ERICH3: variants seen among roughly 807,000 people sequenced by gnomAD.
The protein encoded by ERICH3 is glutamate rich 3.
In ERICH3, 126 loss-of-function variants were observed where a neutral mutation model predicts 131.1. That is an observed-to-expected ratio of 0.96 (90% CI 0.83 to 1.11). ERICH3 has a LOEUF of 1.11. ERICH3 is among the 50% of genes most tolerant of loss of function. The pLI, the probability that ERICH3 is intolerant of heterozygous loss-of-function variation, is 0.00. For missense variants in ERICH3, 2,050 were observed against 1,810.7 expected (o/e 1.13, Z -2.40); for synonymous variants, 695 against 644.6 (o/e 1.08, Z -1.18).
At position 74,641,469 on chromosome 1, in the gene ERICH3, G is replaced by A. The variant is rs1166094376; in HGVS notation, c.316-10C>T. On this transcript the variant is annotated splice_polypyrimidine_tract_variant and intron_variant, in intron 4 of 14. Coordinates refer to ENST00000326665, the MANE Select transcript of ERICH3 (RefSeq NM_001002912.5). Reference sequence around the variant, plus strand: ...TTCTTGTGTGCTCTCCCTAGAATAAGAAAGCAATTTAGCAAATAGATGCAT... The same window carrying A: ...TTCTTGTGTGCTCTCCCTAGAATAAAAAAGCAATTTAGCAAATAGATGCAT... 19 of 1,608,606 alleles carry A rather than the reference G, an allele frequency of 1.2e-5. No individual in the cohort carries two copies. Among genetic ancestry groups the A allele is most frequent in the Non-Finnish European group, 1.6e-5 (19 of 1,178,008 alleles).
Position 74,606,645 on chromosome 1 carries a change from C to T in ERICH3, c.1445G>A (p.Gly482Glu), listed in dbSNP as rs776900105. 1 of 1,612,054 alleles carries T rather than the reference C, an allele frequency of 6.2e-7. No individual in the cohort carries two copies. The highest frequency in any genetic ancestry group is 1.1e-5 in the South Asian group (1 of 90,776). ...CTGGTCGTCTTCCAAGACTTCTTGT[C>T]CTGGTTTTCCTTTACTTGTCATTTC... ...VEEMTSKGKP[G>E]QEVLEDDQEN... The change falls in exon 10 of 15, where the codon GGA (glycine) becomes GAA (glutamate). Residue 482 changes from glycine to glutamate, a missense_variant. Transcript: ENST00000326665.
At chr1:74,652,721 G>A (rs780159782) in intron 1 of ERICH3, among the ~76,000 whole-genome samples, 25 of 151,936 alleles carry the variant, frequency 1.6e-4, no homozygotes, top group Non-Finnish European at 3.1e-4. Context: ...CCTTTTCATC[G>A]ATTCCGTTGG....
In ERICH3 at chr1:74,643,048, CT is replaced by C; in HGVS notation, c.293del (p.Lys98ArgfsTer49). On this transcript the variant is annotated frameshift_variant, in exon 4 of 15. Coordinates refer to ENST00000326665, the MANE Select transcript of ERICH3 (RefSeq NM_001002912.5). LOFTEE classifies it high-confidence loss of function. The part of the protein sequence containing the change: ...IKKKLETLAR[K>X]ERIQRFKGEH... ...TTACCTTAAACCTCTGGATTCGCTC[CT>C]TCCTAGCTAAGGTCTCCAATTTCTT... 6.2e-7 allele frequency: 1 copy of C among 1,610,826 alleles called. No individual in the cohort carries two copies. The highest frequency in any genetic ancestry group is 8.5e-7 in the Non-Finnish European group (1 of 1,178,052).
intron 12 of ERICH3, among the ~76,000 whole-genome samples, chr1:74,578,856 C>T (rs974903905): frequency 2.0e-5 from 3 of 152,000 alleles, no homozygotes; most frequent in Non-Finnish European, 4.4e-5. Flanking sequence ...TATTTGGAAA[C>T]GAATAGTGAA....
At chr1:74,644,466 A>C (rs565469224) in intron 3 of ERICH3, among the ~76,000 whole-genome samples, 3 of 152,142 alleles carry the variant, frequency 2.0e-5, no homozygotes, top group Admixed American at 1.3e-4. Flanking sequence ...AGCTTGTGAG[A>C]ACCTTCCAGC....
rs1320657531 is a variant in ERICH3 at position 74,646,732 on chromosome 1, C to A, written c.178G>T (p.Asp60Tyr). The change falls in exon 3 of 15, where the codon GAT (aspartate) becomes TAT (tyrosine). Residue 60 changes from aspartate to tyrosine, a missense_variant. Coordinates refer to ENST00000326665, the MANE Select transcript of ERICH3 (RefSeq NM_001002912.5). ...CATTCCCGGATATATTTTTGATGAT[C>A]CCGCTTCATCATATTTAGTTTATAT... Reference protein sequence around the residue: ...KEYKLNMMKRDHQKYIRECLA... With the variant: ...KEYKLNMMKRYHQKYIRECLA... 32 of 1,501,912 alleles carry A rather than the reference C, an allele frequency of 2.1e-5. No individual in the cohort carries two copies. The highest frequency in any genetic ancestry group is 7.9e-5 in the Admixed American group (4 of 50,656). 93.0% of individuals were successfully genotyped at this position (1,501,912 alleles called of 1,614,324 possible).
rs765518700 is a variant in ERICH3 at position 74,576,896 on chromosome 1, A to G, written c.2217T>C (p.Gly739=). 18 of 1,602,616 alleles carry G rather than the reference A, an allele frequency of 1.1e-5. No homozygotes were observed. In the East Asian group the frequency reaches 3.8e-4, roughly 34 times the overall value. The part of the protein sequence containing the change: ...SLPLAYVLAL[G]APTMNFMVDE... ...ACCTCTTGCAGATGGAATACTTACC[A>G]CCAAGAGCCAGGACATAGGCTAATG... The change falls in exon 13 of 15, where the codon GGT becomes GGC. Residue 739 remains glycine, a splice_region_variant and synonymous_variant. Coordinates refer to ENST00000326665, the MANE Select transcript of ERICH3 (RefSeq NM_001002912.5).
intron 10 of ERICH3, among the ~76,000 whole-genome samples, chr1:74,604,037 T>A (rs1346544299): frequency 6.6e-6 from 1 of 151,914 alleles, no homozygotes; most frequent in African/African-American, 2.4e-5. Flanking sequence ...AAACCTCTTT[T>A]AAAATTGGGC....
chr1:74,608,624 T>C (rs1347268981), intron 9 of ERICH3, among the ~76,000 whole-genome samples: 2 of 152,086 alleles, frequency 1.3e-5, no homozygotes, highest in Non-Finnish European at 2.9e-5. Context: ...ACTTAACTTT[T>C]CAATATCTCC....
intron 9 of ERICH3, among the ~76,000 whole-genome samples, chr1:74,612,125 A>G (rs1367428029): frequency 1.3e-5 from 2 of 152,188 alleles, no homozygotes; most frequent in East Asian, 3.9e-4. Flanking sequence ...TATGCCCAAG[A>G]TTGAAACTAA....
At chr1:74,579,578 G>A in intron 12 of ERICH3, 2 of 985,324 alleles carry the variant, frequency 2.0e-6, no homozygotes, top group Non-Finnish European at 2.4e-6. Context: ...TAAGTATCAA[G>A]GACTTACTAG....
At position 74,588,678 on chromosome 1, in the gene ERICH3, G is replaced by C. The variant is rs562877239; in HGVS notation, c.2176+953C>G. ...AGAGCAACCAAAGGACTGTGAACCA[G>C]TTCCAGGGCACAGGAGGCTAGGTGA... On this transcript the variant is annotated intron_variant, in intron 12 of 14. Transcript: ENST00000326665. Among the ~76,000 whole-genome samples the C allele has an allele frequency of 4.6e-5, 7 of 152,244 alleles. No homozygotes were observed. The East Asian group carries it at 9.7e-4, about 21-fold the overall frequency.
chr1:74,590,269 A>G lies in ERICH3; in HGVS notation c.1727-189T>C, dbSNP rs190607949. 3.7e-3 allele frequency among the ~76,000 whole-genome samples: 569 copies of G among 152,294 alleles called. 4 individuals carry two copies. The highest frequency in any genetic ancestry group is 0.013 in the African/African-American group (527 of 41,556). ...TTTATACCAGGGAGTGGTTTCATGG[A>G]AGACAACTTTTCCATGGACTGGGGT... On this transcript the variant is annotated intron_variant, in intron 11 of 14. Transcript: ENST00000326665.
intron 1 of ERICH3, among the ~76,000 whole-genome samples, chr1:74,668,920 C>T (rs1646716091): frequency 6.6e-6 from 1 of 152,104 alleles, no homozygotes; most frequent in South Asian, 2.1e-4. Context: ...AAGTGGGTAA[C>T]AAACAGACTA....
intron 10 of ERICH3, 26 bp from the exon 11 acceptor site, chr1:74,599,957 A>C: frequency 1.3e-6 from 2 of 1,540,192 alleles, no homozygotes; most frequent in South Asian, 2.3e-5. Context: ...CTCCACTATA[A>C]GAATGAAAAT....
rs1305690762 is a variant in ERICH3 at position 74,616,012 on chromosome 1, G to GT, written c.1001-3204dup. 6.6e-5 allele frequency among the ~76,000 whole-genome samples: 10 copies of GT among 151,866 alleles called. 1 individual carries two copies. Among genetic ancestry groups the GT allele is most frequent in the Non-Finnish European group, 1.5e-5 (1 of 67,956 alleles). On this transcript the variant is annotated intron_variant, in intron 8 of 14. Transcript: ENST00000326665. ...ATTTGTTTGTTTTGGTTTTGGTTTTGTTTTTTTGAGAAGGATTCTTGTTCT... is the reference window on the plus strand; with the variant it reads ...ATTTGTTTGTTTTGGTTTTGGTTTTGTTTTTTTTGAGAAGGATTCTTGTTCT...
intron 11 of ERICH3, among the ~76,000 whole-genome samples, chr1:74,595,742 G>A (rs577159001): frequency 6.6e-6 from 1 of 152,146 alleles, no homozygotes; most frequent in East Asian, 1.9e-4. Flanking sequence ...GTATTTTTGT[G>A]TGAATTAAAG....
chr1:74,606,452 A>G lies in ERICH3; in HGVS notation c.1489+149T>C, dbSNP rs892067455. The G allele has an allele frequency of 1.0e-5, 8 of 775,096 alleles. No individual in the cohort carries two copies. In the African/African-American group the frequency reaches 1.4e-4, roughly 14 times the overall value. The allele number at this position is 775,096 out of a possible 1,614,324, so 48.0% of individuals were successfully genotyped here. A position where few individuals can be genotyped will look rare whatever the true frequency, so the allele number is the denominator to read the frequency against. Reference sequence around the variant, plus strand: ...GGTAGGTGACACAGGACTCCATACAAAACAGCAAAGGAAGGAGGTCAGGGG... The same window carrying G: ...GGTAGGTGACACAGGACTCCATACAGAACAGCAAAGGAAGGAGGTCAGGGG... On this transcript the variant is annotated intron_variant, in intron 10 of 14. Transcript: ENST00000326665.
intron 1 of ERICH3, among the ~76,000 whole-genome samples, chr1:74,651,680 C>T (rs1282067894): frequency 1.3e-5 from 2 of 152,022 alleles, no homozygotes; most frequent in Non-Finnish European, 2.9e-5. Flanking sequence ...AGTCTTTTGT[C>T]TGTTTTTCAG....
Sources: allele counts gnomAD v4.1 joint callset (sites outside exome capture counted in the v4.1 genomes callset), GRCh38; gene constraint gnomAD v4.1.1; transcripts MANE v1.5; gene names NCBI Gene and HGNC (gene_info 2026-07-23, HGNC 2026-07-21).